Variants in ADAMTSL1 observed in about 807,000 individuals in gnomAD.
ADAMTSL1 encodes the protein ADAMTS-like protein 1.
Under a neutral mutation model 201.8 loss-of-function variants are expected in ADAMTSL1, and 126 were observed. That is an observed-to-expected ratio of 0.62 (90% confidence interval 0.54 to 0.72). ADAMTSL1 has a LOEUF of 0.72. Among genes scored for constraint, ADAMTSL1 ranks in the 30% least tolerant of loss-of-function variants. The pLI, the probability that ADAMTSL1 is intolerant of heterozygous loss-of-function variation, is 0.00. For missense variants in ADAMTSL1, 2,679 were observed against 2,277.8 expected, an observed-to-expected ratio of 1.18 and a Z score of -3.59; for synonymous variants, 1,121 against 903.4, an observed-to-expected ratio of 1.24 and a Z score of -4.32.
At chr9:18,211,732 C>A (rs1255570948) in intron 2 of ADAMTSL1, among the ~76,000 whole-genome samples, 1 of 152,162 alleles carries the variant, frequency 6.6e-6, no homozygotes, top group African/African-American at 2.4e-5. Flanking sequence ...GCTAAAGATA[C>A]CTTCCATGTA....
At chr9:18,029,463 A>T (rs546663730) in intron 1 of ADAMTSL1, among the ~76,000 whole-genome samples, 3 of 152,170 alleles carry the variant, frequency 2.0e-5, no homozygotes, top group Non-Finnish European at 4.4e-5. Flanking sequence ...AACCTAGGCA[A>T]TACCATTCAG....
intron 2 of ADAMTSL1, among the ~76,000 whole-genome samples, chr9:18,410,196 T>A (rs1818376035): frequency 6.6e-6 from 1 of 150,670 alleles, no homozygotes; most frequent in Admixed American, 6.6e-5. Context: ...TTTTACTTCC[T>A]TTTTTTTTCT....
chr9:18,655,120 G>A (rs539260794), intron 7 of ADAMTSL1, among the ~76,000 whole-genome samples: 2 of 152,362 alleles, frequency 1.3e-5, no homozygotes, highest in East Asian at 3.9e-4. Context: ...CCTTTTGCCA[G>A]TGAAAAAGGA....
chr9:18,535,555 T>C (rs974478139), intron 3 of ADAMTSL1, among the ~76,000 whole-genome samples: 13 of 152,218 alleles, frequency 8.5e-5, no homozygotes, highest in African/African-American at 3.1e-4. Context: ...TCAAGTATCC[T>C]TATAGCAGCA....
chr9:18,850,234 C>G (rs1346135041), intron 23 of ADAMTSL1, among the ~76,000 whole-genome samples: 1 of 152,190 alleles, frequency 6.6e-6, no homozygotes. Context: ...CCCATGTGCC[C>G]TCCCTGCCAT....
intron 23 of ADAMTSL1, among the ~76,000 whole-genome samples, chr9:18,850,357 G>T (rs1267808926): frequency 6.6e-6 from 1 of 152,204 alleles, no homozygotes; most frequent in Non-Finnish European, 1.5e-5. Flanking sequence ...TCCTTCCTCA[G>T]CCCTGAAACA....
At chr9:18,278,654 A>G (rs535871875) in intron 2 of ADAMTSL1, among the ~76,000 whole-genome samples, 39 of 152,220 alleles carry the variant, frequency 2.6e-4, no homozygotes, top group South Asian at 8.3e-4. Flanking sequence ...TAATTAATCT[A>G]TTTGAGTTCT....
chr9:18,693,114 C>T (rs1206243078), intron 13 of ADAMTSL1, among the ~76,000 whole-genome samples: 1 of 152,188 alleles, frequency 6.6e-6, no homozygotes, highest in South Asian at 2.1e-4. Flanking sequence ...TTGGGTTTCT[C>T]TAACCTAGGA....
chr9:18,163,324 C>G (rs1184857355), intron 1 of ADAMTSL1, among the ~76,000 whole-genome samples: 4 of 152,014 alleles, frequency 2.6e-5, no homozygotes, highest in African/African-American at 9.7e-5. Context: ...GTGATAAGCT[C>G]TAGATGAAAG....
chr9:18,319,678 A>AT (rs1259248601), intron 2 of ADAMTSL1, among the ~76,000 whole-genome samples: 1 of 152,190 alleles, frequency 6.6e-6, no homozygotes, highest in Admixed American at 6.5e-5. Context: ...GCTGAGATCC[A>AT]TATCTATAGA....
At chr9:18,400,016 ATGAT>A (rs1171071487) in intron 2 of ADAMTSL1, among the ~76,000 whole-genome samples, 1 of 152,192 alleles carries the variant, frequency 6.6e-6, no homozygotes, top group Non-Finnish European at 1.5e-5. Flanking sequence ...CTAATTAGTG[ATGAT>A]TGATGAGTGC....
At chr9:18,633,409 G>A (rs1462761061) in intron 5 of ADAMTSL1, among the ~76,000 whole-genome samples, 2 of 152,138 alleles carry the variant, frequency 1.3e-5, no homozygotes, top group South Asian at 2.1e-4. Flanking sequence ...GGCCAAGATG[G>A]TGAAACCCCG....
intron 2 of ADAMTSL1, among the ~76,000 whole-genome samples, chr9:18,368,113 C>T (rs186558886): frequency 7.3e-5 from 11 of 151,174 alleles, no homozygotes; most frequent in Non-Finnish European, 1.2e-4. Flanking sequence ...GATGGGGTTT[C>T]GCCGTTTTCG....
In ADAMTSL1 at chr9:18,622,233, T is replaced by G; in HGVS notation, c.475-10T>G. On this transcript the variant is annotated splice_polypyrimidine_tract_variant and intron_variant, in intron 4 of 28. Coordinates refer to ENST00000380548, the MANE Select transcript of ADAMTSL1 (RefSeq NM_001040272.6). ...GCTTGGTTGAATTACACATCTCTCT[T>G]TCTTGTTAGATTGTTGGCTGCGATC... is the stretch of plus-strand genomic sequence containing the variant. The G allele has an allele frequency of 6.2e-7, 1 of 1,613,400 alleles. No homozygotes were observed. The highest frequency in any genetic ancestry group is 8.5e-7 in the Non-Finnish European group (1 of 1,179,632).
chr9:18,246,322 C>T (rs1831257861), intron 2 of ADAMTSL1, among the ~76,000 whole-genome samples: 2 of 151,988 alleles, frequency 1.3e-5, no homozygotes, highest in East Asian at 3.9e-4. Flanking sequence ...TGAATTAGTT[C>T]CAGTTTTAGA....
rs181778961 is a variant in ADAMTSL1 at position 18,711,306 on chromosome 9, G to A, written c.1876+4258G>A. On this transcript the variant is annotated intron_variant, in intron 14 of 28. Transcript: ENST00000380548. ...CCCAGCGTGAGCTACGCAGAAGACG[G>A]GTGATTTCTGCATTTCCATCTGAGG... Among the ~76,000 whole-genome samples the A allele has an allele frequency of 6.3e-3, 963 of 152,334 alleles. 6 individuals carry two copies. Among genetic ancestry groups the A allele is most frequent in the Middle Eastern group, 0.031 (9 of 294 alleles).
chr9:18,822,764 G>A (rs1020630378), intron 21 of ADAMTSL1, among the ~76,000 whole-genome samples: 1 of 152,164 alleles, frequency 6.6e-6, no homozygotes, highest in Non-Finnish European at 1.5e-5. Flanking sequence ...TTTATAAAAT[G>A]TTTGACTTAT....
At chr9:18,344,643 C>T (rs899068945) in intron 2 of ADAMTSL1, among the ~76,000 whole-genome samples, 1 of 152,164 alleles carries the variant, frequency 6.6e-6, no homozygotes, top group Non-Finnish European at 1.5e-5. Flanking sequence ...AATGAATTGG[C>T]GGTTGTTGAA....
At chr9:18,017,866 G>A (rs1308653761) in intron 1 of ADAMTSL1, among the ~76,000 whole-genome samples, 1 of 152,014 alleles carries the variant, frequency 6.6e-6, no homozygotes, top group Admixed American at 6.6e-5. Context: ...GGCATGTGAA[G>A]TAATCTCCCT....
Sources: gnomAD v4.1 joint callset for allele counts (sites outside exome capture counted in the v4.1 genomes callset) on GRCh38, gnomAD v4.1.1 for gene constraint, MANE v1.5 for transcripts, NCBI Gene and HGNC (gene_info 2026-07-23, HGNC 2026-07-21) for gene names.